SCRN1: variants seen among roughly 807,000 people sequenced by gnomAD.
SCRN1 encodes secernin-1.
SCRN1 carries 19 observed loss-of-function variants against 43.3 expected under a neutral mutation model. The ratio of observed to expected loss-of-function variants is 0.44; its 90% CI spans 0.31 to 0.64. SCRN1 has a LOEUF of 0.64. Ranked by LOEUF, SCRN1 falls within the 30% of genes least tolerant of loss-of-function variation. SCRN1 has a pLI of 0.09. For synonymous variants in SCRN1, 183 were observed against 188.9 expected, an observed-to-expected ratio of 0.97 and a Z score of 0.26; for missense variants, 447 against 524.1, an observed-to-expected ratio of 0.85 and a Z score of 1.44.
rs549559553 is a variant in SCRN1, at chr7:29,962,215, A to AAAT, written c.159+6691_159+6693dup. On this transcript the variant is annotated intron_variant, in intron 2 of 7. Transcript: ENST00000242059. ...CATATAATTAAATTATACAATTATT[A>AAAT]AATATAATTATGTATATGTAATTAA... Among the ~76,000 whole-genome samples the AAAT allele has an allele frequency of 6.3e-3, 937 of 148,152 alleles. 12 individuals carry two copies. Among genetic ancestry groups the AAAT allele is most frequent in the African/African-American group, 0.022 (901 of 40,882 alleles).
At chr7:29,962,704 A>AATAAAATAAC (rs200171912) in intron 2 of SCRN1, among the ~76,000 whole-genome samples, 1 of 151,990 alleles carries the variant, frequency 6.6e-6, no homozygotes, top group African/African-American at 2.4e-5. Flanking sequence ...AATAAAATAA[A>AATAAAATAAC]ATAAAATAAC....
chr7:29,926,266 C>A (rs1452162711), intron 7 of SCRN1, among the ~76,000 whole-genome samples, 186 bp downstream of exon 7: 1 of 152,160 alleles, frequency 6.6e-6, no homozygotes, highest in Non-Finnish European at 1.5e-5. Flanking sequence ...GTTTCAAGAG[C>A]CTGGGCAGGA....
chr7:29,971,263 G>T, intron 1 of SCRN1, among the ~76,000 whole-genome samples: 1 of 152,190 alleles, frequency 6.6e-6, no homozygotes, highest in East Asian at 1.9e-4. Context: ...ACAGCCCACA[G>T]GTTTATCAGA....
At position 29,964,965 on chromosome 7, in the gene SCRN1, T is replaced by C. The variant is rs140120328; in HGVS notation, c.159+3944A>G. Among the ~76,000 whole-genome samples, 258 of 151,768 alleles carry C rather than the reference T, an allele frequency of 1.7e-3. 1 individual carries two copies. Among genetic ancestry groups the C allele is most frequent in the African/African-American group, 5.8e-3 (240 of 41,392 alleles). On this transcript the variant is annotated intron_variant, in intron 2 of 7. Coordinates refer to ENST00000242059, the MANE Select transcript of SCRN1 (RefSeq NM_014766.5). Reference sequence around the variant, plus strand: ...TCAAAAAACAAAATATATATATATATATATACTGTGTCAATATTGGCTCAT... The same window carrying C: ...TCAAAAAACAAAATATATATATATACATATACTGTGTCAATATTGGCTCAT...
At chr7:29,936,442 C>T in intron 6 of SCRN1, 114 bp downstream of exon 6, 13 of 920,282 alleles carry the variant, frequency 1.4e-5, no homozygotes, top group South Asian at 2.8e-5. Context: ...GACTGAAAAA[C>T]GTGACTTTGC....
intron 3 of SCRN1, among the ~76,000 whole-genome samples, chr7:29,944,476 C>A (rs188235061): frequency 6.6e-6 from 1 of 151,952 alleles, no homozygotes; most frequent in Non-Finnish European, 1.5e-5. Flanking sequence ...GCCTGGGCAA[C>A]ATAGCGAGAC....
At chr7:29,936,400 GC>G (rs1021287070) in intron 6 of SCRN1, among the ~76,000 whole-genome samples, 155 bp downstream of exon 6, 1 of 152,162 alleles carries the variant, frequency 6.6e-6, no homozygotes, top group African/African-American at 2.4e-5. Context: ...CTTAATCAAA[GC>G]CCTTGGTGCT....
chr7:29,952,290 A>G (rs1562812026), intron 3 of SCRN1, among the ~76,000 whole-genome samples: 1 of 152,240 alleles, frequency 6.6e-6, no homozygotes, highest in Admixed American at 6.5e-5. Flanking sequence ...CCATACTTTG[A>G]GAACCACTAC....
intron 2 of SCRN1, among the ~76,000 whole-genome samples, chr7:29,960,248 A>G (rs1788265779): frequency 6.6e-6 from 1 of 152,224 alleles, no homozygotes; most frequent in African/African-American, 2.4e-5. Flanking sequence ...GTAATTTTCT[A>G]TTCTTCTTGT....
chr7:29,949,192 A>T (rs1787833412), intron 3 of SCRN1, among the ~76,000 whole-genome samples: 1 of 151,244 alleles, frequency 6.6e-6, no homozygotes, highest in South Asian at 2.1e-4. Context: ...GCAGGCGCCT[A>T]TAGTCCCAGC....
intron 1 of SCRN1, among the ~76,000 whole-genome samples, chr7:29,981,356 A>T (rs1788987715): frequency 6.6e-6 from 1 of 152,226 alleles, no homozygotes; most frequent in Admixed American, 6.5e-5. Flanking sequence ...CAGGGAAAAC[A>T]GAGCTAAGAT....
intron 1 of SCRN1, among the ~76,000 whole-genome samples, chr7:29,975,820 T>C (rs1280622975): frequency 6.6e-6 from 1 of 152,226 alleles, no homozygotes; most frequent in East Asian, 1.9e-4. Context: ...TTAACTCCCA[T>C]AGATGGGTAA....
chr7:29,923,838 C>A lies in SCRN1; in HGVS notation c.*119G>T. 8.9e-7 allele frequency: 1 copy of A among 1,118,180 alleles called. No individual in the cohort carries two copies. 69.3% of individuals were successfully genotyped at this position (1,118,180 alleles called of 1,614,324 possible). A position where few individuals can be genotyped will look rare whatever the true frequency, so the allele number is the denominator to read the frequency against. ...ACAAGGTAACAGTTTGATCTGGCTTCAGAAAAGGAGGCCACATATTAACTT... is the reference window on the plus strand; with the variant it reads ...ACAAGGTAACAGTTTGATCTGGCTTAAGAAAAGGAGGCCACATATTAACTT... On this transcript the variant is annotated 3_prime_UTR_variant, in exon 8 of 8. Coordinates refer to ENST00000242059, the MANE Select transcript of SCRN1 (RefSeq NM_014766.5).
rs1255411436 is a variant in SCRN1, at chr7:29,923,643, A to G, written c.*314T>C. On this transcript the variant is annotated 3_prime_UTR_variant, in exon 8 of 8. Coordinates refer to ENST00000242059, the MANE Select transcript of SCRN1 (RefSeq NM_014766.5). ...TGCCTTTCAAGGCTTGATGAACTCT[A>G]GTCCTCTTGTAAAAGGCTAATGTGT... The G allele has an allele frequency of 4.5e-6, 1 of 219,882 alleles. No individual in the cohort carries two copies. The allele number at this position is 219,882 out of a possible 1,614,324, so 13.6% of individuals were successfully genotyped here. A position where few individuals can be genotyped will look rare whatever the true frequency, so the allele number is the denominator to read the frequency against.
chr7:29,958,014 T>A (rs188380380), intron 2 of SCRN1, among the ~76,000 whole-genome samples: 14 of 152,290 alleles, frequency 9.2e-5, no homozygotes, highest in African/African-American at 3.4e-4. Context: ...TTGATGTTTT[T>A]CAGGCCAAAC....
chr7:29,949,826 AG>A, intron 3 of SCRN1, among the ~76,000 whole-genome samples: 1 of 151,132 alleles, frequency 6.6e-6, no homozygotes, highest in South Asian at 2.1e-4. Context: ...AGCATGCAAC[AG>A]TGCAACCAGC....
At chr7:29,951,858 C>A (rs929547069) in intron 3 of SCRN1, among the ~76,000 whole-genome samples, 3 of 152,184 alleles carry the variant, frequency 2.0e-5, no homozygotes, top group African/African-American at 7.2e-5. Context: ...TCTCTTTGAA[C>A]TGAGGTTGGA....
Position 29,965,233 on chromosome 7 carries a change from C to T in SCRN1, c.159+3676G>A, listed in dbSNP as rs1180408333. Among the ~76,000 whole-genome samples the T allele has an allele frequency of 6.6e-6, 1 of 152,138 alleles. No homozygotes were observed. Among genetic ancestry groups the T allele is most frequent in the Non-Finnish European group, 1.5e-5 (1 of 68,038 alleles). On this transcript the variant is annotated intron_variant, in intron 2 of 7. Transcript: ENST00000242059. This position sits in a 1 kb window ranked among gnomAD's most constrained non-coding sequence, Gnocchi z 4.2. The stretch of plus-strand genomic sequence containing the variant: ...AATGGCATACAAATCAGCTTGGACT[C>T]TCATCCTGTAAACAAAACGAAACAC...
rs1219706486 is a variant in SCRN1 at position 29,944,309 on chromosome 7, A to C, written c.342-130T>G. 6.8e-6 allele frequency: 5 copies of C among 735,754 alleles called. No individual in the cohort carries two copies. The East Asian group carries it at 1.3e-4, about 20-fold the overall frequency. 45.6% of individuals were successfully genotyped at this position (735,754 alleles called of 1,614,324 possible). A position where few individuals can be genotyped will look rare whatever the true frequency, so the allele number is the denominator to read the frequency against. On this transcript the variant is annotated intron_variant, in intron 3 of 7. Transcript: ENST00000242059. ...TGTGTAAACATGTTAAGTCTGCAGA[A>C]CAATAAGCAAACTGATTAACTGCAC...
Sources: gnomAD v4.1 joint callset for allele counts (sites outside exome capture counted in the v4.1 genomes callset) on GRCh38, gnomAD v4.1.1 for gene constraint, Gnocchi (gnomAD v3.1) non-coding constraint, MANE v1.5 for transcripts, NCBI Gene and HGNC (gene_info 2026-07-23, HGNC 2026-07-21) for gene names.